The following PRR16 variants were observed in gnomAD, a reference collection of about 807,000 sequenced individuals.
The protein encoded by PRR16 is proline rich 16.
In PRR16, 6 loss-of-function variants were observed where a neutral mutation model predicts 18.2. That is an observed-to-expected ratio of 0.33 (90% CI 0.18 to 0.65). PRR16 has a LOEUF of 0.65. Among genes scored for constraint, PRR16 ranks in the 30% least tolerant of loss-of-function variants. The pLI is 0.74. For missense variants in PRR16, 412 were observed against 376.6 expected (o/e 1.09, Z -0.78); for synonymous variants, 151 against 147.8 (o/e 1.02, Z -0.16).
chr5:120,724,805 C>T, the PRR16 span, among the ~76,000 whole-genome samples: 466 of 151,996 alleles, frequency 3.1e-3, 3 homozygotes, highest in African/African-American at 0.011. Context: ...ATTGTTTCAT[C>T]AAATACATAG....
intron 1 of PRR16, among the ~76,000 whole-genome samples, chr5:120,489,671 A>T (rs1749952373): frequency 1.3e-5 from 2 of 152,046 alleles, no homozygotes; most frequent in South Asian, 4.1e-4. Context: ...TAATATTGTT[A>T]TGTGTGGATT....
intron 1 of PRR16, among the ~76,000 whole-genome samples, chr5:120,624,457 A>T (rs911019573): frequency 2.0e-5 from 3 of 152,114 alleles, no homozygotes; most frequent in African/African-American, 7.2e-5. Flanking sequence ...CTTCAGTAAA[A>T]TGTTTCTACT....
chr5:120,699,982 C>T, the PRR16 span, among the ~76,000 whole-genome samples: 1 of 152,128 alleles, frequency 6.6e-6, no homozygotes. Context: ...AGGTAATTTG[C>T]TGAGCTTGAT....
At chr5:120,493,111 T>C (rs115707601) in intron 1 of PRR16, among the ~76,000 whole-genome samples, 2,159 of 152,350 alleles carry the variant, frequency 0.014, 22 homozygotes, top group Non-Finnish European at 0.022. Flanking sequence ...AGATCTACTT[T>C]CAGTTTTTTA....
intron 1 of PRR16, among the ~76,000 whole-genome samples, chr5:120,664,508 C>T (rs1756293754): frequency 6.6e-6 from 1 of 150,902 alleles, no homozygotes; most frequent in African/African-American, 2.4e-5. Context: ...GCACAATGTG[C>T]AGGTTAGTTA....
At position 120,490,447 on chromosome 5, in the gene PRR16, C is replaced by T. The variant is rs142699034; in HGVS notation, c.159+25802C>T. ...CCTTTCTTCCAGTTGATCGAATCAG[C>T]TACTGAGGCTTGTGTATTCGTCACG... On this transcript the variant is annotated intron_variant, in intron 1 of 1. Coordinates refer to ENST00000407149, the MANE Select transcript of PRR16 (RefSeq NM_001300783.2). Among the ~76,000 whole-genome samples the T allele has an allele frequency of 3.7e-3, 571 of 152,324 alleles. 4 individuals carry two copies. Among genetic ancestry groups the T allele is most frequent in the African/African-American group, 0.013 (548 of 41,564 alleles).
At chr5:120,614,280 G>A (rs1754437622) in intron 1 of PRR16, among the ~76,000 whole-genome samples, 1 of 152,100 alleles carries the variant, frequency 6.6e-6, no homozygotes. Flanking sequence ...GGGCTTTTTT[G>A]TATCTTCTTA....
intron 1 of PRR16, among the ~76,000 whole-genome samples, chr5:120,525,105 G>A (rs1191412553): frequency 6.6e-6 from 1 of 151,968 alleles, no homozygotes; most frequent in Admixed American, 6.6e-5. Flanking sequence ...TCTTTCTTAT[G>A]AGAGTTTCCT....
chr5:120,649,548 A>G (rs1041241514), intron 1 of PRR16, among the ~76,000 whole-genome samples: 5 of 152,204 alleles, frequency 3.3e-5, no homozygotes, highest in African/African-American at 9.6e-5. Context: ...GTTTAAGCAT[A>G]AAGTAAACAG....
intron 1 of PRR16, among the ~76,000 whole-genome samples, chr5:120,619,264 GA>G (rs1561577203): frequency 1.3e-5 from 2 of 151,844 alleles, no homozygotes; most frequent in East Asian, 3.9e-4. Context: ...AATTTTTCTT[GA>G]AAAAAGAATC....
At chr5:120,599,894 A>G (rs1753929101) in intron 1 of PRR16, among the ~76,000 whole-genome samples, 1 of 151,562 alleles carries the variant, frequency 6.6e-6, no homozygotes, top group South Asian at 2.1e-4. Flanking sequence ...ATATTCTCTA[A>G]CCCTATGCCC....
intron 1 of PRR16, among the ~76,000 whole-genome samples, chr5:120,538,402 A>G (rs1329240624): frequency 6.6e-6 from 1 of 152,158 alleles, no homozygotes; most frequent in Non-Finnish European, 1.5e-5. Context: ...TCCACACGTA[A>G]TTTGTCTGTA....
chr5:120,501,422 T>TATAC (rs1750449192), intron 1 of PRR16, among the ~76,000 whole-genome samples: 1 of 151,748 alleles, frequency 6.6e-6, no homozygotes, highest in African/African-American at 2.4e-5. Flanking sequence ...CACACACACA[T>TATAC]ACACACACAC....
chr5:120,738,707 G>A, the PRR16 span, among the ~76,000 whole-genome samples: 4 of 152,104 alleles, frequency 2.6e-5, no homozygotes, highest in African/African-American at 7.2e-5. Context: ...ATCTTGGTAG[G>A]TGCATTTGTG....
At chr5:120,784,264 A>T in the PRR16 span, among the ~76,000 whole-genome samples, 1 of 152,138 alleles carries the variant, frequency 6.6e-6, no homozygotes, top group African/African-American at 2.4e-5. Flanking sequence ...TTCTACTGTT[A>T]GTTTTTTGAG....
chr5:120,781,449 T>G, the PRR16 span: 1 of 152,156 alleles, frequency 6.6e-6, no homozygotes, highest in African/African-American at 2.4e-5. Flanking sequence ...GGTAATAAAC[T>G]AGAGGAAACA....
At chr5:120,501,924 C>G (rs996423603) in intron 1 of PRR16, among the ~76,000 whole-genome samples, 5 of 141,550 alleles carry the variant, frequency 3.5e-5, no homozygotes, top group African/African-American at 1.3e-4. Context: ...CCACTGCACT[C>G]CAGCCTGGGC....
At chr5:120,574,046 C>CA (rs1258043972) in intron 1 of PRR16, among the ~76,000 whole-genome samples, 2 of 151,482 alleles carry the variant, frequency 1.3e-5, no homozygotes, top group Non-Finnish European at 2.9e-5. Flanking sequence ...AATACAATTT[C>CA]AAAAAAATAC....
downstream of PRR16, among the ~76,000 whole-genome samples, chr5:120,688,310 C>T (rs746169879): frequency 4.6e-5 from 7 of 152,098 alleles, no homozygotes; most frequent in Non-Finnish European, 7.4e-5. Flanking sequence ...ATTTACTCAG[C>T]ATGCGTTATG....
Sources: allele counts gnomAD v4.1 joint callset (sites outside exome capture counted in the v4.1 genomes callset), GRCh38; gene constraint gnomAD v4.1.1; transcripts MANE v1.5; gene names NCBI Gene and HGNC (gene_info 2026-07-23, HGNC 2026-07-21).